Variants in BMP6 observed in about 807,000 individuals in gnomAD.
BMP6 encodes VG-1-R.
BMP6 carries 17 observed loss-of-function variants against 54.1 expected under a neutral mutation model. The observed-to-expected ratio is 0.31, with a 90% CI of 0.22 to 0.47. BMP6 has a LOEUF of 0.47. Among genes scored for constraint, BMP6 ranks in the 20% least tolerant of loss-of-function variants. The pLI, the probability that BMP6 is intolerant of heterozygous loss-of-function variation, is 1.00. For missense variants in BMP6, 720 were observed against 690.4 expected (o/e 1.04, Z -0.48); for synonymous variants, 328 against 291.2 (o/e 1.13, Z -1.28).
intron 1 of BMP6, among the ~76,000 whole-genome samples, chr6:7,807,570 C>A: frequency 6.6e-6 from 1 of 152,158 alleles, no homozygotes; most frequent in East Asian, 1.9e-4. Context: ...TGAGCCCACG[C>A]GCCCGGCCGG....
At chr6:7,740,080 G>C (rs1293506609) in intron 1 of BMP6, among the ~76,000 whole-genome samples, 1 of 152,200 alleles carries the variant, frequency 6.6e-6, no homozygotes, top group Non-Finnish European at 1.5e-5. Context: ...TAGGGAGGAG[G>C]TCACACCCAG....
intron 1 of BMP6, among the ~76,000 whole-genome samples, chr6:7,784,258 TTA>T (rs1354095886): frequency 6.6e-6 from 1 of 152,222 alleles, no homozygotes; most frequent in Non-Finnish European, 1.5e-5. Context: ...ATCATTAAAT[TTA>T]TGACTTATCT....
intron 1 of BMP6, among the ~76,000 whole-genome samples, chr6:7,781,882 C>A (rs954368304): frequency 6.6e-6 from 1 of 151,458 alleles, no homozygotes; most frequent in East Asian, 1.9e-4. Flanking sequence ...GTCTTTCAGG[C>A]CATATTCAGG....
chr6:7,729,892 AGAG>A (rs1170743506), intron 1 of BMP6, among the ~76,000 whole-genome samples: 1 of 152,178 alleles, frequency 6.6e-6, no homozygotes, highest in Non-Finnish European at 1.5e-5. Flanking sequence ...TCAAAAATAA[AGAG>A]GATCTCCCAA....
At chr6:7,779,546 G>A (rs963759226) in intron 1 of BMP6, among the ~76,000 whole-genome samples, 7 of 152,032 alleles carry the variant, frequency 4.6e-5, no homozygotes, top group Non-Finnish European at 1.0e-4. Flanking sequence ...CACCATGTTG[G>A]CCAGGCTGGT....
intron 1 of BMP6, among the ~76,000 whole-genome samples, chr6:7,826,793 A>G (rs7762316): frequency 0.15 from 22,204 of 152,056 alleles, 2,156 homozygotes; most frequent in African/African-American, 0.28. Context: ...GTCACCTCTC[A>G]TGGGAGCACA....
chr6:7,869,351 C>G (rs1759483208), intron 4 of BMP6, among the ~76,000 whole-genome samples: 1 of 152,248 alleles, frequency 6.6e-6, no homozygotes. Flanking sequence ...TTGCACTTCG[C>G]TGTGTGCGTG....
At chr6:7,814,386 C>A (rs2113215660) in intron 1 of BMP6, among the ~76,000 whole-genome samples, 1 of 152,280 alleles carries the variant, frequency 6.6e-6, no homozygotes, top group Non-Finnish European at 1.5e-5. Context: ...AGCCAGATGT[C>A]AAAAACTCTT....
intron 1 of BMP6, among the ~76,000 whole-genome samples, chr6:7,805,904 C>G (rs1230560170): frequency 2.0e-5 from 3 of 152,168 alleles, no homozygotes; most frequent in Admixed American, 1.3e-4. Context: ...ATAGAAGGCA[C>G]GTTTGAATCT....
chr6:7,809,175 T>C (rs916443885), intron 1 of BMP6, among the ~76,000 whole-genome samples: 3 of 150,132 alleles, frequency 2.0e-5, no homozygotes, highest in African/African-American at 7.3e-5. Flanking sequence ...ATAACTTCCT[T>C]TAAAAACTTT....
intron 1 of BMP6, among the ~76,000 whole-genome samples, chr6:7,730,398 A>G (rs1166849440): frequency 6.6e-6 from 1 of 152,232 alleles, no homozygotes; most frequent in Non-Finnish European, 1.5e-5. Context: ...GAACTGAAAG[A>G]GAATTCTAGG....
intron 1 of BMP6, among the ~76,000 whole-genome samples, chr6:7,781,613 A>T (rs780740201): frequency 6.6e-6 from 1 of 151,548 alleles, no homozygotes; most frequent in Admixed American, 6.6e-5. Context: ...CCCCGTGTTC[A>T]CTGAGTGCCT....
intron 1 of BMP6, among the ~76,000 whole-genome samples, chr6:7,814,834 A>C (rs1758502151): frequency 6.6e-6 from 1 of 152,004 alleles, no homozygotes; most frequent in African/African-American, 2.4e-5. Context: ...GAGGCAGGGG[A>C]GGGGGAGAGC....
At chr6:7,785,796 G>A (rs1017636809) in intron 1 of BMP6, among the ~76,000 whole-genome samples, 2 of 152,206 alleles carry the variant, frequency 1.3e-5, no homozygotes, top group South Asian at 2.1e-4. Flanking sequence ...TCAAGAGAAC[G>A]TGAAGAAATA....
At chr6:7,854,656 C>T (rs1759197294) in intron 2 of BMP6, among the ~76,000 whole-genome samples, 1 of 152,224 alleles carries the variant, frequency 6.6e-6, no homozygotes, top group East Asian at 1.9e-4. Flanking sequence ...CTTAGTCAGG[C>T]GTGGTGGCGT....
intron 1 of BMP6, among the ~76,000 whole-genome samples, chr6:7,835,348 G>C (rs1482714974): frequency 1.3e-5 from 2 of 152,182 alleles, no homozygotes; most frequent in Admixed American, 6.5e-5. Context: ...TCCTGACCTT[G>C]TGATCCGCCC....
chr6:7,874,716 C>G (rs371361250), intron 4 of BMP6, among the ~76,000 whole-genome samples: 1 of 152,136 alleles, frequency 6.6e-6, no homozygotes, highest in Non-Finnish European at 1.5e-5. Context: ...CCACTGCACT[C>G]CAGCCTGGGC....
At chr6:7,771,038 G>A (rs1293869301) in intron 1 of BMP6, among the ~76,000 whole-genome samples, 2 of 152,202 alleles carry the variant, frequency 1.3e-5, no homozygotes, top group African/African-American at 4.8e-5. Flanking sequence ...TCAAGACTGG[G>A]TATAACTGAG....
intron 1 of BMP6, among the ~76,000 whole-genome samples, chr6:7,812,050 G>T (rs1318005269): frequency 6.6e-6 from 1 of 152,194 alleles, no homozygotes; most frequent in East Asian, 1.9e-4. Flanking sequence ...CCAAAGCGAG[G>T]AGACTGAGTT....
Sources: gnomAD v4.1 joint callset for allele counts (sites outside exome capture counted in the v4.1 genomes callset) on GRCh38, gnomAD v4.1.1 for gene constraint, MANE v1.5 for transcripts, NCBI Gene and HGNC (gene_info 2026-07-23, HGNC 2026-07-21) for gene names.